Variants in SLC5A11 observed in about 807,000 individuals in gnomAD.
SLC5A11 encodes solute carrier family 5 member 11, also known as sodium/myo-inositol cotransporter 2.
Under a neutral mutation model 69.8 loss-of-function variants are expected in SLC5A11, and 48 were observed. The ratio of observed to expected loss-of-function variants is 0.69; its 90% confidence interval spans 0.55 to 0.87. The LOEUF is 0.87. Among genes scored for constraint, SLC5A11 ranks in the 40% least tolerant of loss-of-function variants. The pLI is 0.00. For missense variants in SLC5A11, 784 were observed against 866.1 expected, an observed-to-expected ratio of 0.91 and a Z score of 1.19; for synonymous variants, 319 against 342.4, an observed-to-expected ratio of 0.93 and a Z score of 0.75.
At chr16:24,894,187 G>A (rs374801350) in intron 9 of SLC5A11, among the ~76,000 whole-genome samples, 19 of 152,078 alleles carry the variant, frequency 1.2e-4, no homozygotes, top group African/African-American at 4.1e-4. Flanking sequence ...ACTTTAAATC[G>A]CTCCATTGAC....
intron 1 of SLC5A11, among the ~76,000 whole-genome samples, chr16:24,850,558 C>G (rs2059257673): frequency 6.6e-6 from 1 of 152,128 alleles, no homozygotes; most frequent in Admixed American, 6.5e-5. Flanking sequence ...GAGACCCGTG[C>G]CAGTCCTTAT....
At chr16:24,857,099 C>T (rs1428434448) in intron 1 of SLC5A11, among the ~76,000 whole-genome samples, 1 of 152,206 alleles carries the variant, frequency 6.6e-6, no homozygotes, top group Non-Finnish European at 1.5e-5. Flanking sequence ...GTATTATAGG[C>T]ATGAGCCACT....
At position 24,870,002 on chromosome 16, in the gene SLC5A11, TA is replaced by T; in HGVS notation, c.311del (p.Asn104MetfsTer7). Reference sequence around the variant, plus strand: ...GCATTTCTGTATCAGCTTATGAACTTAATGTAAGTATTTTACCTAGGGCATA... The same window carrying T: ...GCATTTCTGTATCAGCTTATGAACTTATGTAAGTATTTTACCTAGGGCATA... On this transcript the variant is annotated frameshift_variant and splice_region_variant, in exon 4 of 16. Coordinates refer to ENST00000347898, the Ensembl canonical transcript of SLC5A11. LOFTEE classifies it high-confidence loss of function. The T allele has an allele frequency of 6.2e-7, 1 of 1,608,342 alleles. No individual in the cohort carries two copies. Among genetic ancestry groups the T allele is most frequent in the East Asian group, 2.2e-5 (1 of 44,858 alleles).
intron 3 of SLC5A11, among the ~76,000 whole-genome samples, chr16:24,866,854 AC>A (rs2046951493): frequency 6.6e-6 from 1 of 152,172 alleles, no homozygotes; most frequent in Non-Finnish European, 1.5e-5. Context: ...ACATAATTGC[AC>A]CTAACAACAG....
At chr16:24,876,545 G>T (rs1183402362) in intron 6 of SLC5A11, among the ~76,000 whole-genome samples, 1 of 152,190 alleles carries the variant, frequency 6.6e-6, no homozygotes, top group African/African-American at 2.4e-5. Context: ...CCAGGGAGGA[G>T]GGAGGAGCTT....
intron 5 of SLC5A11, among the ~76,000 whole-genome samples, chr16:24,872,793 C>T (rs1336642601): frequency 6.6e-6 from 1 of 151,038 alleles, no homozygotes; most frequent in Admixed American, 6.6e-5. Flanking sequence ...ATCTGAGTAG[C>T]TGGACTTACA....
intron 1 of SLC5A11, among the ~76,000 whole-genome samples, chr16:24,850,897 A>T (rs1375243716): frequency 6.6e-6 from 1 of 150,580 alleles, no homozygotes; most frequent in Non-Finnish European, 1.5e-5. Flanking sequence ...TGCAACCTCC[A>T]CCTCCCAGGT....
Position 24,907,141 on chromosome 16 carries a change from C to T in SLC5A11, c.1231C>T (p.Arg411Trp), listed in dbSNP as rs777724085. Reference sequence around the variant, plus strand: ...GGACCTCTGGAATCACCTCCGGCCTCGGGCATCTGAGAAGGAGCTCATGAT... The same window carrying T: ...GGACCTCTGGAATCACCTCCGGCCTTGGGCATCTGAGAAGGAGCTCATGAT... Residue 411 changes from arginine (R) to tryptophan (W), a missense_variant, in exon 12 of 16, where the codon CGG (arginine) becomes TGG (tryptophan). This residue lies in a region of SLC5A11 where 550 missense variants were observed against 606.4 expected (regional missense o/e 0.91). Coordinates refer to ENST00000347898, the Ensembl canonical transcript of SLC5A11. The T allele has an allele frequency of 1.4e-5, 23 of 1,613,992 alleles. No homozygotes were observed. Among genetic ancestry groups the T allele is most frequent in the Middle Eastern group, 3.3e-4 (2 of 6,084 alleles).
chr16:24,908,134 A>G lies in SLC5A11; in HGVS notation c.1434+3A>G. ...TCTGGAAGAGGACCAATGAAAAGGTAGCTCTGGATGGCTCCCACTATGCCA... is the reference window on the plus strand; with the variant it reads ...TCTGGAAGAGGACCAATGAAAAGGTGGCTCTGGATGGCTCCCACTATGCCA... On this transcript the variant is annotated splice_donor_region_variant and intron_variant, in intron 13 of 15. Coordinates refer to ENST00000347898, the Ensembl canonical transcript of SLC5A11. 1.9e-6 allele frequency: 3 copies of G among 1,578,038 alleles called. No homozygotes were observed. The highest frequency in any genetic ancestry group is 2.6e-6 in the Non-Finnish European group (3 of 1,163,292).
At chr16:24,872,672 C>T (rs2047380611) in intron 5 of SLC5A11, among the ~76,000 whole-genome samples, 1 of 149,634 alleles carries the variant, frequency 6.7e-6, no homozygotes, top group Admixed American at 6.7e-5. Context: ...GCCACCACAC[C>T]CAGCTAATTT....
chr16:24,868,468 G>A (rs1199221760), intron 3 of SLC5A11, among the ~76,000 whole-genome samples: 9 of 150,804 alleles, frequency 6.0e-5, no homozygotes, highest in Non-Finnish European at 1.2e-4. Context: ...GCGTGGTGGC[G>A]GGCGCCTGTA....
intron 1 of SLC5A11, among the ~76,000 whole-genome samples, chr16:24,849,593 A>ATATAT (rs61292571): frequency 3.1e-4 from 11 of 35,908 alleles, no homozygotes; most frequent in East Asian, 2.8e-3. Context: ...AAAAAAAAAA[A>ATATAT]ATATATATAT....
intron 1 of SLC5A11, among the ~76,000 whole-genome samples, chr16:24,849,427 C>G (rs1486339409): frequency 6.6e-6 from 1 of 150,954 alleles, no homozygotes; most frequent in Non-Finnish European, 1.5e-5. Context: ...ATTAGCCAGG[C>G]GTGGTGACAC....
intron 9 of SLC5A11, among the ~76,000 whole-genome samples, chr16:24,892,952 C>A (rs556569770): frequency 6.6e-6 from 1 of 152,084 alleles, no homozygotes; most frequent in East Asian, 1.9e-4. Context: ...CAGGACTGAT[C>A]CGGGCTAACA....
chr16:24,861,496 G>A (rs2059767394), intron 2 of SLC5A11, among the ~76,000 whole-genome samples: 1 of 146,572 alleles, frequency 6.8e-6, no homozygotes. Flanking sequence ...GAAAGAAAGA[G>A]AGAGAAAGGA....
chr16:24,849,633 A>T (rs1251169871), intron 1 of SLC5A11, among the ~76,000 whole-genome samples: 2 of 127,014 alleles, frequency 1.6e-5, no homozygotes, highest in African/African-American at 2.9e-5. Context: ...TCCATGAGAG[A>T]TGCCACGTTG....
At chr16:24,893,217 G>A (rs2048933805) in intron 9 of SLC5A11, among the ~76,000 whole-genome samples, 1 of 151,530 alleles carries the variant, frequency 6.6e-6, no homozygotes, top group Admixed American at 6.6e-5. Flanking sequence ...GAACCCGGGA[G>A]GTGGAGTTTG....
At chr16:24,888,936 A>G (rs751015051) in intron 8 of SLC5A11, among the ~76,000 whole-genome samples, 18 of 151,116 alleles carry the variant, frequency 1.2e-4, no homozygotes, top group Non-Finnish European at 5.9e-5. Flanking sequence ...AACTGGGACT[A>G]CAGGCATGCA....
chr16:24,907,066 A>G, exon 12 of SLC5A11: 6 of 1,614,046 alleles, frequency 3.7e-6, no homozygotes, highest in Non-Finnish European at 1.7e-6. Flanking sequence ...GGCGGCTCTC[A>G]TGTCCTCCCT....
Sources: gnomAD v4.1 joint callset for allele counts (sites outside exome capture counted in the v4.1 genomes callset) on GRCh38, gnomAD v4.1.1 for gene constraint, gnomAD v4.1.1 regional missense constraint, MANE v1.5 for transcripts, NCBI Gene and HGNC (gene_info 2026-07-23, HGNC 2026-07-21) for gene names.